The following PTPRR variants were observed in gnomAD, a reference collection of about 807,000 sequenced individuals.
PTPRR encodes receptor-type tyrosine-protein phosphatase R.
PTPRR carries 38 observed loss-of-function variants against 77.2 expected under a neutral mutation model. The observed-to-expected ratio is 0.49, with a 90% confidence interval of 0.38 to 0.65. The LOEUF (loss-of-function observed/expected upper bound fraction) is 0.65, where lower values mean the gene tolerates loss of function less well. PTPRR is among the 30% of genes least tolerant of loss of function. The pLI, the probability that PTPRR is intolerant of heterozygous loss-of-function variation, is 0.00. For synonymous variants in PTPRR, 299 were observed against 283.1 expected (o/e 1.06, Z -0.57); for missense variants, 744 against 799.2 (o/e 0.93, Z 0.83).
chr12:70,841,508 CCTCT>C (rs747913194), intron 2 of PTPRR, among the ~76,000 whole-genome samples: 78 of 152,104 alleles, frequency 5.1e-4, no homozygotes, highest in Admixed American at 3.2e-3. Context: ...AACCTGACTC[CCTCT>C]GAGTTCCAGA....
chr12:70,685,150 C>T (rs1887814193), intron 8 of PTPRR, among the ~76,000 whole-genome samples: 1 of 152,196 alleles, frequency 6.6e-6, no homozygotes, highest in Admixed American at 6.5e-5. Flanking sequence ...GTAAATCAGG[C>T]TATACTCTAC....
intron 13 of PTPRR, among the ~76,000 whole-genome samples, chr12:70,643,107 T>G (rs971400471): frequency 3.9e-5 from 6 of 152,118 alleles, no homozygotes; most frequent in Admixed American, 1.3e-4. Context: ...TAACAGGTAA[T>G]CCATTCTTAG....
chr12:70,797,611 A>G (rs1192543420), intron 2 of PTPRR, among the ~76,000 whole-genome samples: 2 of 152,168 alleles, frequency 1.3e-5, no homozygotes, highest in Non-Finnish European at 2.9e-5. Context: ...AAAGAAACCA[A>G]TCATGTCAAT....
intron 1 of PTPRR, among the ~76,000 whole-genome samples, chr12:70,893,731 A>AG (rs1025309287): frequency 9.2e-5 from 14 of 152,044 alleles, no homozygotes; most frequent in African/African-American, 3.4e-4. Context: ...AGCATGAGGT[A>AG]GAAACCATGT....
At chr12:70,818,209 C>T (rs11178444) in intron 2 of PTPRR, among the ~76,000 whole-genome samples, 1 of 141,536 alleles carries the variant, frequency 7.1e-6, no homozygotes. Flanking sequence ...GCACTCCAGC[C>T]TGGGTGACAA....
chr12:70,756,240 A>G (rs1229980477), intron 4 of PTPRR, among the ~76,000 whole-genome samples: 1 of 152,088 alleles, frequency 6.6e-6, no homozygotes, highest in Non-Finnish European at 1.5e-5. Context: ...GTAATGATGA[A>G]AGAATTAACT....
chr12:70,701,119 A>G lies in PTPRR; in HGVS notation c.1194+18T>C. The G allele has an allele frequency of 6.2e-7, 1 of 1,613,420 alleles. No individual in the cohort carries two copies. Among genetic ancestry groups the G allele is most frequent in the Admixed American group, 1.7e-5 (1 of 59,936 alleles). On this transcript the variant is annotated intron_variant, in intron 7 of 13. Coordinates refer to ENST00000283228, the MANE Select transcript of PTPRR (RefSeq NM_002849.4). The stretch of plus-strand genomic sequence containing the variant: ...TCAAAATACCGACTGAAGAGTGAAC[A>G]ATAAATAGAAGGCTCACCATGAATT...
chr12:70,775,200 A>AG, intron 2 of PTPRR, among the ~76,000 whole-genome samples: 1 of 152,186 alleles, frequency 6.6e-6, no homozygotes, highest in Non-Finnish European at 1.5e-5. Context: ...AACATACAGA[A>AG]AAAACATACA....
At position 70,773,404 on chromosome 12, in the gene PTPRR, T is replaced by C. The variant is rs1891022710; in HGVS notation, c.358-8626A>G. Among the ~76,000 whole-genome samples the C allele has an allele frequency of 2.6e-5, 4 of 152,278 alleles. No homozygotes were observed. The South Asian group carries it at 8.3e-4, about 32-fold the overall frequency. ...CCAGAGAATTGACCAAGAACCTTAG[T>C]AATTTTGCACATTTTCTTCTGTTTT... On this transcript the variant is annotated intron_variant, in intron 2 of 13. Transcript: ENST00000283228.
intron 1 of PTPRR, among the ~76,000 whole-genome samples, chr12:70,913,504 T>C (rs1296219432): frequency 6.6e-6 from 1 of 152,162 alleles, no homozygotes; most frequent in Non-Finnish European, 1.5e-5. Context: ...ACAACTATCA[T>C]GCTATGTTGT....
At chr12:70,669,065 T>G (rs780106941) in intron 10 of PTPRR, among the ~76,000 whole-genome samples, 1 of 152,174 alleles carries the variant, frequency 6.6e-6, no homozygotes, top group Non-Finnish European at 1.5e-5. Context: ...TTTAACATTT[T>G]GATGAATTAT....
At chr12:70,736,504 G>A (rs1018806989) in intron 6 of PTPRR, among the ~76,000 whole-genome samples, 15 of 152,128 alleles carry the variant, frequency 9.9e-5, no homozygotes, top group East Asian at 1.9e-4. Context: ...GCTTGGGTTC[G>A]CATTCTATTT....
chr12:70,745,234 G>A (rs900439769), intron 6 of PTPRR, among the ~76,000 whole-genome samples: 7 of 152,012 alleles, frequency 4.6e-5, no homozygotes, highest in Non-Finnish European at 1.0e-4. Flanking sequence ...CTGGCTATTG[G>A]CCAGGCTGGT....
chr12:70,780,550 GT>G (rs1024868822), intron 2 of PTPRR, among the ~76,000 whole-genome samples: 6 of 151,962 alleles, frequency 3.9e-5, no homozygotes, highest in East Asian at 1.9e-4. Flanking sequence ...TTTAGTGTTA[GT>G]TTTTTTCCTG....
Position 70,892,702 on chromosome 12 carries a change from GGATTGGGA to G in PTPRR, c.326_333del (p.Leu109ProfsTer53). On this transcript the variant is annotated frameshift_variant, in exon 2 of 14. Transcript: ENST00000283228. LOFTEE classifies it high-confidence loss of function. ...ACCACCACAATTACATTTGCTGCTG[GGATTGGGA>G]GATTTTCCACTTCAAGATCTTGACC... 1 of 1,613,084 alleles carries G rather than the reference GGATTGGGA, an allele frequency of 6.2e-7. No individual in the cohort carries two copies. The highest frequency in any genetic ancestry group is 8.5e-7 in the Non-Finnish European group (1 of 1,179,268).
intron 2 of PTPRR, among the ~76,000 whole-genome samples, chr12:70,871,358 A>C (rs762394035): frequency 6.6e-6 from 1 of 152,144 alleles, no homozygotes; most frequent in Non-Finnish European, 1.5e-5. Context: ...CCTACATCTT[A>C]GGTGTGCATG....
chr12:70,647,077 C>G (rs1184329383), intron 13 of PTPRR, among the ~76,000 whole-genome samples: 3 of 151,942 alleles, frequency 2.0e-5, no homozygotes, highest in Non-Finnish European at 4.4e-5. Flanking sequence ...GATGTCATTC[C>G]AGTTTAAGCC....
chr12:70,746,622 T>C (rs547742321), intron 5 of PTPRR, among the ~76,000 whole-genome samples: 7 of 152,252 alleles, frequency 4.6e-5, no homozygotes, highest in African/African-American at 7.2e-5. Flanking sequence ...AAATTTAGGG[T>C]ATCTATGAAA....
At position 70,919,005 on chromosome 12, in the gene PTPRR, A is replaced by G. The variant is rs369369212; in HGVS notation, c.58+1328T>C. 4.7e-4 allele frequency among the ~76,000 whole-genome samples: 72 copies of G among 152,356 alleles called. No homozygotes were observed. In the Middle Eastern group the frequency reaches 0.014, roughly 29 times the overall value. On this transcript the variant is annotated intron_variant, in intron 1 of 13. Coordinates refer to ENST00000283228, the MANE Select transcript of PTPRR (RefSeq NM_002849.4). ...TGAAAACTCCACAATATAACATCAT[A>G]ATTATAACAATTAACATGTGTATTT...
Sources: allele counts gnomAD v4.1 joint callset (sites outside exome capture counted in the v4.1 genomes callset), GRCh38; gene constraint gnomAD v4.1.1; transcripts MANE v1.5; gene names NCBI Gene and HGNC (gene_info 2026-07-23, HGNC 2026-07-21).